The following VIPAS39 variants were observed in gnomAD, a reference collection of about 807,000 sequenced individuals.
VIPAS39 encodes the protein spermatogenesis-defective protein 39 homolog.
VIPAS39 carries 63 observed loss-of-function variants against 84.7 expected under a neutral mutation model. The ratio of observed to expected loss-of-function variants is 0.74; its 90% CI spans 0.61 to 0.92. VIPAS39 has a LOEUF of 0.92. Ranked by LOEUF, VIPAS39 falls within the 40% of genes least tolerant of loss-of-function variation. VIPAS39 has a pLI of 0.00. For missense variants in VIPAS39, 499 were observed against 604.5 expected (o/e 0.83, Z 1.83); for synonymous variants, 192 against 216.5 (o/e 0.89, Z 0.99).
chr14:77,456,482 T>A lies in VIPAS39; in HGVS notation c.-1+1013A>T, dbSNP rs1021751711. On this transcript the variant is annotated intron_variant, in intron 1 of 19. Transcript: ENST00000557658. ...TCGTTTGATCCTCAGAACAATCTTG[T>A]AAGGTAGGCCTGGGAGATTCCATTT... Among the ~76,000 whole-genome samples the A allele has an allele frequency of 2.0e-5, 3 of 152,334 alleles. No individual in the cohort carries two copies. The East Asian group carries it at 5.8e-4, about 29-fold the overall frequency.
chr14:77,454,504 G>T (rs1005758412), intron 1 of VIPAS39, among the ~76,000 whole-genome samples: 1 of 151,920 alleles, frequency 6.6e-6, no homozygotes, highest in Non-Finnish European at 1.5e-5. Flanking sequence ...GAGAAACCCC[G>T]TCTCTACTAA....
Position 77,427,735 on chromosome 14 carries a change from G to A in VIPAS39, c.1462-99C>T, listed in dbSNP as rs368926113. ...ACAAAACAAGGCTCAGCTAGATAAT[G>A]TAAGGAAAAGAAAAAGTAGAATCAG... On this transcript the variant is annotated intron_variant, in intron 19 of 19. Transcript: ENST00000557658. The A allele has an allele frequency of 1.7e-3, 2,551 of 1,493,500 alleles. 4 individuals carry two copies. Among genetic ancestry groups the A allele is most frequent in the South Asian group, 3.9e-3 (341 of 88,138 alleles). The allele number at this position is 1,493,500 out of a possible 1,614,324, so 92.5% of individuals were successfully genotyped here. A position where few individuals can be genotyped will look rare whatever the true frequency, so the allele number is the denominator to read the frequency against.
In VIPAS39 at chr14:77,435,292, G is replaced by A. The variant is rs199839422; in HGVS notation, c.1014C>T (p.Phe338=). The A allele has an allele frequency of 4.7e-4, 763 of 1,613,908 alleles. 12 individuals are homozygous for A. The South Asian group carries it at 7.9e-3, about 17-fold the overall frequency. ...ILNMPLVTTL[F]YSCFYHYTEA... is the part of the protein sequence containing the mutation. ...CTGTGTAGTGATAGAAGCAGGAGTAGAAAAGTGTTGTCACTAGTGGCATGT... is the reference window on the plus strand; with the variant it reads ...CTGTGTAGTGATAGAAGCAGGAGTAAAAAAGTGTTGTCACTAGTGGCATGT... The change falls in exon 14 of 20, where the codon TTC becomes TTT. Residue 338 remains phenylalanine (F), a synonymous_variant. Transcript: ENST00000557658.
At position 77,428,435 on chromosome 14, in the gene VIPAS39, A is replaced by G. The variant is rs773189629; in HGVS notation, c.1396T>C (p.Tyr466His). Residue 466 changes from tyrosine (Y) to histidine (H), a missense_variant, in exon 19 of 20, where the codon TAC becomes CAC. Transcript: ENST00000557658. ...GATCCTTTATCTACCTTACTCCTGT[A>G]TGCTAGCAACTGTTGACGATCCTTC... ...DLKDRQQLLA[Y>H]RSKVDKGSAE... The G allele has an allele frequency of 1.2e-5, 19 of 1,613,908 alleles. No individual in the cohort carries two copies. The highest frequency in any genetic ancestry group is 1.7e-6 in the Non-Finnish European group (2 of 1,179,984).
rs948264623 is a variant in VIPAS39, at chr14:77,427,388, G to A, written c.*228C>T. On this transcript the variant is annotated 3_prime_UTR_variant, in exon 20 of 20. Transcript: ENST00000557658. ...CACTCCCACCTTCATATGAGCACCA[G>A]GTGGAGAGAATCATTCTCATGACTC... 1.5e-5 allele frequency: 9 copies of A among 586,768 alleles called. No individual in the cohort carries two copies. The highest frequency in any genetic ancestry group is 1.5e-4 in the African/African-American group (8 of 53,626). 36.3% of individuals were successfully genotyped at this position (586,768 alleles called of 1,614,324 possible). A position where few individuals can be genotyped will look rare whatever the true frequency, so the allele number is the denominator to read the frequency against.
intron 6 of VIPAS39, 58 bp downstream of exon 6, chr14:77,449,235 A>G: frequency 2.6e-6 from 4 of 1,549,226 alleles, no homozygotes; most frequent in South Asian, 1.1e-5. Flanking sequence ...GCCAGGTAAC[A>G]TATGTCAAGG....
chr14:77,428,331 C>G, intron 19 of VIPAS39, 39 bp downstream of exon 19: 1 of 1,579,578 alleles, frequency 6.3e-7, no homozygotes, highest in South Asian at 1.1e-5. Context: ...AACTGTCTGT[C>G]TCCTGAGCCT....
In VIPAS39 at chr14:77,437,505, G is replaced by A. The variant is rs117555229; in HGVS notation, c.836+303C>T. Among the ~76,000 whole-genome samples, 1,058 of 152,190 alleles carry A rather than the reference G, an allele frequency of 7.0e-3. 19 individuals carry two copies. The highest frequency in any genetic ancestry group is 0.037 in the South Asian group (177 of 4,820). The stretch of plus-strand genomic sequence containing the variant: ...TACAGCTCATTTTAGTACCAAAGAA[G>A]AAGAGAAGAGTGAGGACAAAATCCT... On this transcript the variant is annotated intron_variant, in intron 12 of 19. Transcript: ENST00000557658.
In VIPAS39 at chr14:77,429,014, C is replaced by T. The variant is rs199989629; in HGVS notation, c.1348G>A (p.Val450Ile). ...LATKFKCHDVVIDTYRDLKDR... is the reference protein window; with the variant it reads ...LATKFKCHDVIIDTYRDLKDR... ...ATTTCTTGGGGACTCACATCAATGA[C>T]GACATCATGGCACTTGAACTTAGTG... Residue 450 changes from valine to isoleucine, a missense_variant, in exon 18 of 20, where the codon GTC becomes ATC. Transcript: ENST00000557658. 137 of 1,613,722 alleles carry T rather than the reference C, an allele frequency of 8.5e-5. 2 individuals are homozygous for T. The South Asian group carries it at 1.0e-3, about 12-fold the overall frequency.
chr14:77,434,316 T>C lies in VIPAS39; in HGVS notation c.1048-13A>G. The C allele has an allele frequency of 1.2e-6, 2 of 1,613,890 alleles. No homozygotes were observed. Among genetic ancestry groups the C allele is most frequent in the Non-Finnish European group, 1.7e-6 (2 of 1,179,872 alleles). On this transcript the variant is annotated splice_polypyrimidine_tract_variant and intron_variant, in intron 14 of 19. Coordinates refer to ENST00000557658, the MANE Select transcript of VIPAS39 (RefSeq NM_001193315.2). ...TGCTGAATGTCCCCTAGGATGAAAG[T>C]GAAAAAGGAACTTTAGTGATATTGA...
At chr14:77,453,984 A>T in intron 2 of VIPAS39, 26 bp downstream of exon 2, 1 of 1,610,590 alleles carries the variant, frequency 6.2e-7, no homozygotes, top group Non-Finnish European at 8.5e-7. Context: ...TGTGGAGAAG[A>T]GTACAAACTT....
At chr14:77,451,711 A>G (rs534905790) in intron 3 of VIPAS39, among the ~76,000 whole-genome samples, 11 of 152,208 alleles carry the variant, frequency 7.2e-5, no homozygotes, top group Middle Eastern at 3.4e-3. Context: ...CAAGCCATCC[A>G]TCGCCACTAC....
intron 7 of VIPAS39, among the ~76,000 whole-genome samples, chr14:77,448,090 G>C (rs1403417461): frequency 6.6e-6 from 1 of 151,626 alleles, no homozygotes; most frequent in Non-Finnish European, 1.5e-5. Flanking sequence ...GAGTAGCTGG[G>C]ACTACAGGTG....
Position 77,437,811 on chromosome 14 carries a change from A to G in VIPAS39, c.833T>C (p.Val278Ala). 1 of 1,614,036 alleles carries G rather than the reference A, an allele frequency of 6.2e-7. No homozygotes were observed. ...ATCATTTTTCCCCCATACTTACCCA[A>G]CACAGGTTTTAAGAAATTCTTTTCG... Reference protein sequence around the residue: ...DKRKEFLKTCVGLPFSAEDSA... With the variant: ...DKRKEFLKTCAGLPFSAEDSA... The change falls in exon 12 of 20, where the codon GTT becomes GCT. Residue 278 changes from valine (V) to alanine (A), a missense_variant. Val to Ala is a moderately conservative substitution (Grantham distance 64). Transcript: ENST00000557658.
At position 77,428,421 on chromosome 14, in the gene VIPAS39, T is replaced by C; in HGVS notation, c.1410A>G (p.Val470=). ...RQQLLAYRSK[V]DKGSAEEEKI... is the part of the protein sequence containing the mutation. Reference sequence around the variant, plus strand: ...TCTCCTCCTCTGCTGATCCTTTATCTACCTTACTCCTGTATGCTAGCAACT... The same window carrying C: ...TCTCCTCCTCTGCTGATCCTTTATCCACCTTACTCCTGTATGCTAGCAACT... The change falls in exon 19 of 20, where the codon GTA becomes GTG. Residue 470 remains valine, a synonymous_variant. Coordinates refer to ENST00000557658, the MANE Select transcript of VIPAS39 (RefSeq NM_001193315.2). 1 of 1,614,108 alleles carries C rather than the reference T, an allele frequency of 6.2e-7. No homozygotes were observed. Among genetic ancestry groups the C allele is most frequent in the Non-Finnish European group, 8.5e-7 (1 of 1,179,992 alleles).
At chr14:77,454,310 T>G (rs1240476276) in intron 1 of VIPAS39, among the ~76,000 whole-genome samples, 6 of 152,200 alleles carry the variant, frequency 3.9e-5, no homozygotes, top group Admixed American at 2.0e-4. Flanking sequence ...TAATTACCCA[T>G]AAGTAGTCAT....
In VIPAS39 at chr14:77,435,250, T is replaced by C; in HGVS notation, c.1047+9A>G. The stretch of plus-strand genomic sequence containing the variant: ...AGAGTTTGTGGAATCTTCCATATTT[T>C]GCCTGTACCTCAGCCTCTGTGTAGT... On this transcript the variant is annotated intron_variant, in intron 14 of 19. Transcript: ENST00000557658. 1 of 1,614,158 alleles carries C rather than the reference T, an allele frequency of 6.2e-7. No homozygotes were observed. Among genetic ancestry groups the C allele is most frequent in the Non-Finnish European group, 8.5e-7 (1 of 1,180,006 alleles).
intron 4 of VIPAS39, among the ~76,000 whole-genome samples, chr14:77,450,912 A>G (rs908153930): frequency 3.9e-5 from 6 of 152,156 alleles, no homozygotes; most frequent in Non-Finnish European, 1.5e-5. Context: ...TCCAACAGCA[A>G]TGCACAAGGA....
intron 8 of VIPAS39, among the ~76,000 whole-genome samples, chr14:77,443,420 T>C (rs903929766): frequency 6.6e-6 from 1 of 152,146 alleles, no homozygotes; most frequent in Non-Finnish European, 1.5e-5. Context: ...ATATAACACA[T>C]AGTAGCCAAC....
Sources: allele counts gnomAD v4.1 joint callset (sites outside exome capture counted in the v4.1 genomes callset), GRCh38; gene constraint gnomAD v4.1.1; transcripts MANE v1.5; gene names NCBI Gene and HGNC (gene_info 2026-07-23, HGNC 2026-07-21).